POU6F2: variants seen among roughly 807,000 people sequenced by gnomAD.
The protein encoded by POU6F2 is POU class 6 homeobox 2.
In POU6F2, 31 loss-of-function variants were observed where a neutral mutation model predicts 71.3. The ratio of observed to expected loss-of-function variants is 0.43; its 90% CI spans 0.33 to 0.59. The LOEUF is 0.59. POU6F2 is among the 20% of genes least tolerant of loss of function. POU6F2 has a pLI of 0.04. For missense variants in POU6F2, 783 were observed against 856.8 expected (o/e 0.91, Z 1.07); for synonymous variants, 347 against 355.7 (o/e 0.98, Z 0.27).
At chr7:39,309,412 TC>T (rs1221593918) in intron 4 of POU6F2, among the ~76,000 whole-genome samples, 1 of 152,148 alleles carries the variant, frequency 6.6e-6, no homozygotes, top group African/African-American at 2.4e-5. Flanking sequence ...AAAAGAAACT[TC>T]CTGGAAGAAA....
intron 5 of POU6F2, among the ~76,000 whole-genome samples, chr7:39,357,496 C>G (rs528930380): frequency 2.0e-4 from 30 of 152,274 alleles, no homozygotes; most frequent in Non-Finnish European, 3.5e-4. Context: ...GGGATCCTCC[C>G]ACCTCCTTTT....
rs537442434 is a variant in POU6F2, at chr7:38,997,896, T to G, written c.105+19838T>G. On this transcript the variant is annotated intron_variant, in intron 1 of 9. Coordinates refer to ENST00000518318, the MANE Select transcript of POU6F2 (RefSeq NM_001370959.1). ...ATCAAGTCCAACAGACCCAAGACCC[T>G]TGTTTTAATTCAAAGAGATTAACTG... Among the ~76,000 whole-genome samples, 13 of 152,286 alleles carry G rather than the reference T, an allele frequency of 8.5e-5. No individual in the cohort carries two copies. The South Asian group carries it at 1.9e-3, about 22-fold the overall frequency.
intron 4 of POU6F2, among the ~76,000 whole-genome samples, chr7:39,316,026 G>A (rs977942326): frequency 3.3e-5 from 5 of 152,166 alleles, no homozygotes; most frequent in Admixed American, 6.5e-5. Context: ...GTTTAAGTTC[G>A]ATTTAGCACT....
At chr7:39,391,605 A>G (rs1006380959) in intron 5 of POU6F2, among the ~76,000 whole-genome samples, 2 of 152,146 alleles carry the variant, frequency 1.3e-5, no homozygotes, top group Non-Finnish European at 2.9e-5. Flanking sequence ...TTTCATACCA[A>G]AGTTATCCTG....
At chr7:39,173,958 C>G (rs1037250906) in intron 2 of POU6F2, among the ~76,000 whole-genome samples, 1 of 152,212 alleles carries the variant, frequency 6.6e-6, no homozygotes, top group Non-Finnish European at 1.5e-5. Context: ...ATATTCCAGC[C>G]TCAGCATGGA....
chr7:38,986,141 A>G (rs1172154522), intron 1 of POU6F2, among the ~76,000 whole-genome samples: 2 of 152,116 alleles, frequency 1.3e-5, no homozygotes, highest in Non-Finnish European at 2.9e-5. Flanking sequence ...TCTGTTTTCA[A>G]TCTTAGTACC....
chr7:39,411,426 T>C (rs1787546552), intron 6 of POU6F2, among the ~76,000 whole-genome samples: 1 of 152,204 alleles, frequency 6.6e-6, no homozygotes, highest in East Asian at 1.9e-4. Flanking sequence ...ACATTTTAAC[T>C]GAAGCTCAGA....
chr7:39,260,432 A>G (rs1322751925), intron 4 of POU6F2, among the ~76,000 whole-genome samples: 2 of 150,440 alleles, frequency 1.3e-5, no homozygotes, highest in African/African-American at 4.9e-5. Flanking sequence ...ACACATATAC[A>G]CACACCCCAT....
intron 5 of POU6F2, among the ~76,000 whole-genome samples, chr7:39,400,096 G>A (rs561150335): frequency 2.0e-5 from 3 of 152,088 alleles, no homozygotes; most frequent in Admixed American, 1.3e-4. Context: ...CCTCTCCTTC[G>A]TTCGGGAGTG....
intron 1 of POU6F2, among the ~76,000 whole-genome samples, chr7:39,028,435 T>G (rs2128708489): frequency 6.6e-6 from 1 of 152,276 alleles, no homozygotes; most frequent in Non-Finnish European, 1.5e-5. Context: ...TTTTAAACAT[T>G]TAAAAATATT....
At chr7:39,240,944 A>C (rs1783714567) in intron 4 of POU6F2, among the ~76,000 whole-genome samples, 1 of 152,238 alleles carries the variant, frequency 6.6e-6, no homozygotes, top group Non-Finnish European at 1.5e-5. Context: ...TTATTGGCTC[A>C]ACAGTGTCAC....
chr7:39,069,443 A>G (rs1790828318), intron 1 of POU6F2, among the ~76,000 whole-genome samples: 2 of 152,260 alleles, frequency 1.3e-5, no homozygotes, highest in Non-Finnish European at 2.9e-5. Flanking sequence ...CGAGCTCAAG[A>G]CCGTGCATGG....
chr7:39,050,175 C>T (rs1790375938), intron 1 of POU6F2, among the ~76,000 whole-genome samples: 1 of 151,772 alleles, frequency 6.6e-6, no homozygotes, highest in African/African-American at 2.4e-5. Context: ...TGCTTAGCAC[C>T]CCTTTTCCCC....
chr7:39,170,753 CAAAGA>C (rs1207562026), intron 2 of POU6F2, among the ~76,000 whole-genome samples: 1 of 151,856 alleles, frequency 6.6e-6, no homozygotes, highest in African/African-American at 2.4e-5. Flanking sequence ...GTTCCCAACG[CAAAGA>C]AAAGATAAAT....
At chr7:39,207,659 C>T (rs560855548) in intron 4 of POU6F2, 39 bp downstream of exon 4, 5 of 1,570,694 alleles carry the variant, frequency 3.2e-6, no homozygotes, top group Admixed American at 1.8e-5. Flanking sequence ...AGGCTCTACC[C>T]GTTGGCCAGT....
intron 2 of POU6F2, among the ~76,000 whole-genome samples, chr7:39,097,157 C>G (rs1469742411): frequency 6.6e-6 from 1 of 152,018 alleles, no homozygotes; most frequent in Non-Finnish European, 1.5e-5. Context: ...TATATATGCC[C>G]TTTTCCAGAG....
At chr7:39,019,056 T>G (rs1218436664) in intron 1 of POU6F2, among the ~76,000 whole-genome samples, 2 of 152,188 alleles carry the variant, frequency 1.3e-5, no homozygotes, top group Non-Finnish European at 2.9e-5. Context: ...TCTTAAACCT[T>G]ATATTTTCCT....
At chr7:39,347,510 G>A (rs1193299555) in intron 5 of POU6F2, among the ~76,000 whole-genome samples, 1 of 152,054 alleles carries the variant, frequency 6.6e-6, no homozygotes, top group Non-Finnish European at 1.5e-5. Context: ...GCTCCAAGGG[G>A]TTTAGAACAG....
chr7:39,064,660 A>G (rs1232452780), intron 1 of POU6F2, among the ~76,000 whole-genome samples: 1 of 151,928 alleles, frequency 6.6e-6, no homozygotes, highest in Admixed American at 6.6e-5. Flanking sequence ...ATTTCTCTGT[A>G]AGATATGAAT....
Sources: gnomAD v4.1 joint callset for allele counts (sites outside exome capture counted in the v4.1 genomes callset) on GRCh38, gnomAD v4.1.1 for gene constraint, MANE v1.5 for transcripts, NCBI Gene and HGNC (gene_info 2026-07-23, HGNC 2026-07-21) for gene names.